The following EXT2 variants were observed in gnomAD, a reference collection of about 807,000 sequenced individuals.
EXT2 encodes exostosin glycosyltransferase 2, also known as exostosin-2.
EXT2 carries 53 observed loss-of-function variants against 81.6 expected under a neutral mutation model. The observed-to-expected ratio is 0.65, with a 90% CI of 0.52 to 0.82. The LOEUF (loss-of-function observed/expected upper bound fraction) is 0.82, where lower values mean the gene tolerates loss of function less well. EXT2 is among the 40% of genes least tolerant of loss of function. EXT2 has a pLI of 0.00. For missense variants in EXT2, 774 were observed against 910.2 expected (o/e 0.85, Z 1.93); for synonymous variants, 320 against 340.0 (o/e 0.94, Z 0.65).
chr11:44,224,933 T>C (rs1410164821), intron 10 of EXT2, among the ~76,000 whole-genome samples: 2 of 152,226 alleles, frequency 1.3e-5, no homozygotes, highest in East Asian at 3.8e-4. Context: ...CTGTTTCCAC[T>C]GGTTGTGTAG....
At chr11:44,118,458 A>T (rs775346166) in intron 4 of EXT2, among the ~76,000 whole-genome samples, 1 of 152,320 alleles carries the variant, frequency 6.6e-6, no homozygotes, top group East Asian at 1.9e-4. Flanking sequence ...AACATAATGT[A>T]TACCCACAGC....
At chr11:44,122,288 C>A (rs1262566852) in intron 4 of EXT2, among the ~76,000 whole-genome samples, 1 of 152,156 alleles carries the variant, frequency 6.6e-6, no homozygotes, top group Non-Finnish European at 1.5e-5. Flanking sequence ...ACTTACAAGA[C>A]AGTCCATTTC....
At chr11:44,238,639 C>A (rs748592899) in intron 13 of EXT2, among the ~76,000 whole-genome samples, 1 of 152,114 alleles carries the variant, frequency 6.6e-6, no homozygotes, top group Non-Finnish European at 1.5e-5. Context: ...TGTAACTGAT[C>A]AGGTGAAAGA....
chr11:44,133,357 G>A (rs775356086), intron 7 of EXT2, among the ~76,000 whole-genome samples: 5 of 152,110 alleles, frequency 3.3e-5, no homozygotes, highest in Non-Finnish European at 7.4e-5. Flanking sequence ...GTCAGAGGTG[G>A]GTCTTTTTGC....
rs138149852 is a variant in EXT2 at position 44,232,843 on chromosome 11, A to G, written c.1806+347A>G. On this transcript the variant is annotated intron_variant, in intron 11 of 13. Transcript: ENST00000533608. ...ATTAGCCTGCTTTTTCATGGATTGT[A>G]TTGTGAGCCTTTTCTCATGTCATTG... Among the ~76,000 whole-genome samples the G allele has an allele frequency of 7.8e-3, 1,193 of 152,264 alleles. 15 individuals carry two copies. The highest frequency in any genetic ancestry group is 0.027 in the African/African-American group (1,112 of 41,542).
At chr11:44,156,876 T>C (rs565761539) in intron 7 of EXT2, among the ~76,000 whole-genome samples, 33 of 152,326 alleles carry the variant, frequency 2.2e-4, no homozygotes, top group African/African-American at 7.5e-4. Context: ...GAAGGCTTTC[T>C]ACGTATTCAA....
rs1025692422 is a variant in EXT2 at position 44,157,417 on chromosome 11, C to T, written c.1174-14194C>T. Among the ~76,000 whole-genome samples the T allele has an allele frequency of 5.9e-5, 9 of 152,344 alleles. No individual in the cohort carries two copies. In the East Asian group the frequency reaches 7.7e-4, roughly 13 times the overall value. On this transcript the variant is annotated intron_variant, in intron 7 of 13. Coordinates refer to ENST00000533608, the MANE Select transcript of EXT2 (RefSeq NM_207122.2). ...GGAATCTACTTGGTTCTCTATTCTA[C>T]GTGGCTGAGCTGGCATCCAAGCTGC...
intron 7 of EXT2, among the ~76,000 whole-genome samples, chr11:44,170,579 T>C (rs1332927304): frequency 6.6e-6 from 1 of 152,116 alleles, no homozygotes; most frequent in Non-Finnish European, 1.5e-5. Flanking sequence ...ACTGATCAAG[T>C]ACAAAGAGAA....
intron 8 of EXT2, among the ~76,000 whole-genome samples, chr11:44,173,563 C>CTTTTTTT (rs66702988): frequency 1.2e-3 from 125 of 100,004 alleles, no homozygotes; most frequent in East Asian, 2.3e-3. Flanking sequence ...TTCTTTCTTT[C>CTTTTTTT]TTTTTTTTTT....
intron 13 of EXT2, among the ~76,000 whole-genome samples, chr11:44,240,765 T>C (rs936965348): frequency 1.3e-5 from 2 of 152,192 alleles, no homozygotes; most frequent in African/African-American, 4.8e-5. Flanking sequence ...CACTGAATTA[T>C]TAAATAAGGC....
intron 7 of EXT2, among the ~76,000 whole-genome samples, chr11:44,167,517 T>A (rs1307610103): frequency 6.6e-6 from 1 of 152,154 alleles, no homozygotes; most frequent in Non-Finnish European, 1.5e-5. Context: ...GACATAGGGC[T>A]CTGACAGGAC....
At chr11:44,112,951 C>G (rs1954166940) in intron 3 of EXT2, among the ~76,000 whole-genome samples, 1 of 152,230 alleles carries the variant, frequency 6.6e-6, no homozygotes, top group African/African-American at 2.4e-5. Context: ...CTTCTCTGCA[C>G]ATAGGCCATG....
intron 8 of EXT2, among the ~76,000 whole-genome samples, chr11:44,176,071 A>G (rs1173504655): frequency 2.6e-5 from 4 of 152,152 alleles, no homozygotes; most frequent in Non-Finnish European, 5.9e-5. Context: ...TCTGGGCTGA[A>G]ATGTTACTAC....
intron 1 of EXT2, among the ~76,000 whole-genome samples, chr11:44,105,749 A>G (rs1209725650): frequency 6.6e-6 from 1 of 152,208 alleles, no homozygotes; most frequent in Non-Finnish European, 1.5e-5. Flanking sequence ...TTTGGTAAGG[A>G]TCTTAAAATG....
intron 10 of EXT2, among the ~76,000 whole-genome samples, chr11:44,225,883 T>C (rs947719543): frequency 6.6e-6 from 1 of 152,206 alleles, no homozygotes; most frequent in Non-Finnish European, 1.5e-5. Context: ...TGAGATAGCT[T>C]GGACAGTGGT....
At chr11:44,240,310 C>A (rs1956021967) in intron 13 of EXT2, among the ~76,000 whole-genome samples, 1 of 152,128 alleles carries the variant, frequency 6.6e-6, no homozygotes, top group Admixed American at 6.5e-5. Context: ...CAGGAGAGAA[C>A]CAGGATATAC....
At chr11:44,178,083 C>A (rs1448000002) in intron 8 of EXT2, among the ~76,000 whole-genome samples, 5 of 152,156 alleles carry the variant, frequency 3.3e-5, no homozygotes, top group Non-Finnish European at 7.3e-5. Flanking sequence ...GAGAGTATTG[C>A]ATAAGAGCAC....
Position 44,245,047 on chromosome 11 carries a change from C to T in EXT2, c.*760C>T, listed in dbSNP as rs1276896822. 4.3e-6 allele frequency: 1 copy of T among 231,982 alleles called. No homozygotes were observed. Among genetic ancestry groups the T allele is most frequent in the Non-Finnish European group, 8.5e-6 (1 of 117,266 alleles). The allele number at this position is 231,982 out of a possible 1,614,324, so 14.4% of individuals were successfully genotyped here. On this transcript the variant is annotated 3_prime_UTR_variant, in exon 14 of 14. Transcript: ENST00000533608. ...TCTTCTGCCCATGTCTGGGAACACA[C>T]GCCAGGAGGAATGTCTGATACCCTC...
intron 9 of EXT2, among the ~76,000 whole-genome samples, chr11:44,202,594 C>CTGTACCACT (rs1482427720): frequency 6.6e-6 from 1 of 152,184 alleles, no homozygotes; most frequent in Non-Finnish European, 1.5e-5. Context: ...CAGATCTCAA[C>CTGTACCACT]TGTACCACTT....
Sources: gnomAD v4.1 joint callset for allele counts (sites outside exome capture counted in the v4.1 genomes callset) on GRCh38, gnomAD v4.1.1 for gene constraint, MANE v1.5 for transcripts, NCBI Gene and HGNC (gene_info 2026-07-23, HGNC 2026-07-21) for gene names.